ZNF100: variants seen among roughly 807,000 people sequenced by gnomAD.
ZNF100 encodes zinc finger protein 100 (Y1).
A neutral mutation model predicts 15.8 loss-of-function variants in ZNF100; 12 were observed. The ratio of observed to expected loss-of-function variants is 0.76; its 90% CI spans 0.49 to 1.23. The LOEUF (loss-of-function observed/expected upper bound fraction) is 1.23. ZNF100 is among the 50% of genes most tolerant of loss of function. The probability of loss-of-function intolerance (pLI) is 0.00; values close to 1 mark genes in which losing one functional copy is unlikely to be tolerated. For missense variants in ZNF100, 670 were observed against 635.6 expected (o/e 1.05, Z -0.58); for synonymous variants, 226 against 214.8 (o/e 1.05, Z -0.45).
rs1246638375 is a variant in ZNF100, at chr19:21,765,706, A to C, written c.84T>G (p.Ser28=). The C allele has an allele frequency of 6.2e-7, 1 of 1,614,166 alleles. No homozygotes were observed. Among genetic ancestry groups the C allele is most frequent in the Non-Finnish European group, 8.5e-7 (1 of 1,180,014 alleles). The change falls in exon 2 of 5, where the codon TCT becomes TCG. Residue 28 remains serine (S), a synonymous_variant. Transcript: ENST00000358296. Reference sequence around the variant, plus strand: ...CTCAAGGGGTTACCTTTTCAAAATAAGACTGCACCAGAAGACTCCTCTCAG... The same window carrying C: ...CTCAAGGGGTTACCTTTTCAAAATACGACTGCACCAGAAGACTCCTCTCAG... The part of the protein sequence containing the change: ...PGAERSLLVQ[S]YFEKGPLTFR...
chr19:21,757,755 G>T (rs912334006), intron 2 of ZNF100, among the ~76,000 whole-genome samples: 1 of 152,142 alleles, frequency 6.6e-6, no homozygotes, highest in Non-Finnish European at 1.5e-5. Context: ...ATATGGTATG[G>T]TCAGATGACA....
In ZNF100 at chr19:21,727,448, T is replaced by G. The variant is rs2035824566; in HGVS notation, c.864A>C (p.Pro288=). 6.2e-7 allele frequency: 1 copy of G among 1,610,592 alleles called. No homozygotes were observed. The highest frequency in any genetic ancestry group is 8.5e-7 in the Non-Finnish European group (1 of 1,178,850). ...THKIIHTGEK[P]YRCEECGKAF... ...CTTTCCCACATTCTTCACATCTGTA[T>G]GGTTTCTCTCCAGTATGAATTATCT... The change falls in exon 5 of 5, where the codon CCA becomes CCC. Residue 288 remains proline, a synonymous_variant. Transcript: ENST00000358296.
chr19:21,751,199 A>T, intron 2 of ZNF100: 17 of 1,308,402 alleles, frequency 1.3e-5, no homozygotes, highest in Non-Finnish European at 1.9e-5. Context: ...CTTACTAAAA[A>T]GTATAGCTCA....
intron 2 of ZNF100, among the ~76,000 whole-genome samples, chr19:21,749,731 A>C (rs2036271390): frequency 6.6e-6 from 1 of 152,220 alleles, no homozygotes; most frequent in Non-Finnish European, 1.5e-5. Flanking sequence ...TCTCTCACAT[A>C]ACTGTAGCAG....
chr19:21,760,610 C>T (rs2036467046), intron 2 of ZNF100, among the ~76,000 whole-genome samples: 1 of 151,930 alleles, frequency 6.6e-6, no homozygotes, highest in Admixed American at 6.6e-5. Context: ...TGCCCTAAGA[C>T]TTTGCCATCC....
At chr19:21,759,377 C>A (rs2036443227) in intron 2 of ZNF100, among the ~76,000 whole-genome samples, 1 of 152,138 alleles carries the variant, frequency 6.6e-6, no homozygotes, top group Non-Finnish European at 1.5e-5. Context: ...AATTTTTCAT[C>A]CTCTGTGTTC....
At chr19:21,749,572 G>C (rs2036268539) in intron 2 of ZNF100, among the ~76,000 whole-genome samples, 1 of 152,140 alleles carries the variant, frequency 6.6e-6, no homozygotes, top group South Asian at 2.1e-4. Flanking sequence ...GTAAGAAGAA[G>C]GACAAGAATA....
At chr19:21,740,145 C>A (rs1206333288) in intron 4 of ZNF100, among the ~76,000 whole-genome samples, 1 of 152,044 alleles carries the variant, frequency 6.6e-6, no homozygotes, top group Admixed American at 6.6e-5. Context: ...GATGAAAGAG[C>A]AGAATAGAGA....
chr19:21,767,499 A>G lies in ZNF100; in HGVS notation c.-70T>C. 1.2e-6 allele frequency: 2 copies of G among 1,609,284 alleles called. No homozygotes were observed. Among genetic ancestry groups the G allele is most frequent in the Non-Finnish European group, 1.7e-6 (2 of 1,176,252 alleles). On this transcript the variant is annotated 5_prime_UTR_variant, in exon 1 of 5. Coordinates refer to ENST00000358296, the MANE Select transcript of ZNF100 (RefSeq NM_173531.4). Reference sequence around the variant, plus strand: ...CAATATCTGCAGGTCAGAGGGCCACACAGGCTAGGCCCCTAGGAGCAGAAG... The same window carrying G: ...CAATATCTGCAGGTCAGAGGGCCACGCAGGCTAGGCCCCTAGGAGCAGAAG...
At position 21,754,743 on chromosome 19, in the gene ZNF100, C is replaced by CTTCA. The variant is rs768435359; in HGVS notation, c.97-9680_97-9677dup. ...ATTCAGGACAAAGGCATGGGAAAGACTTCATGACAAAAACACCAAAAGGAA... is the reference window on the plus strand; with the variant it reads ...ATTCAGGACAAAGGCATGGGAAAGACTTCATTCATGACAAAAACACCAAAAGGAA... On this transcript the variant is annotated intron_variant, in intron 2 of 4. Coordinates refer to ENST00000358296, the MANE Select transcript of ZNF100 (RefSeq NM_173531.4). 5.1e-4 allele frequency among the ~76,000 whole-genome samples: 77 copies of CTTCA among 152,240 alleles called. No individual in the cohort carries two copies. In the East Asian group the frequency reaches 7.3e-3, roughly 14 times the overall value.
intron 2 of ZNF100, among the ~76,000 whole-genome samples, chr19:21,747,090 G>A (rs2036225003): frequency 6.6e-6 from 1 of 152,044 alleles, no homozygotes; most frequent in African/African-American, 2.4e-5. Flanking sequence ...TCCTGTCTCA[G>A]GTGCCCTCCC....
rs755689326 is a variant in ZNF100 at position 21,726,813 on chromosome 19, A to AG, written c.1498dup (p.Leu500ProfsTer3). Reference sequence around the variant, plus strand: ...AGTATGAGTTATCTTATGTTTAGTAAGGGTTGAGGATCGGTTAAAAGCTTT... The same window carrying AG: ...AGTATGAGTTATCTTATGTTTAGTAAGGGGTTGAGGATCGGTTAAAAGCTTT... On this transcript the variant is annotated frameshift_variant, in exon 5 of 5. Transcript: ENST00000358296. LOFTEE classifies it low-confidence loss of function (END_TRUNC). The AG allele has an allele frequency of 8.7e-6, 14 of 1,613,682 alleles. No individual in the cohort carries two copies. The African/African-American group carries it at 1.9e-4, about 22-fold the overall frequency.
intron 2 of ZNF100, among the ~76,000 whole-genome samples, chr19:21,749,002 G>A (rs79508512): frequency 1.1e-4 from 16 of 152,116 alleles, no homozygotes; most frequent in African/African-American, 3.6e-4. Flanking sequence ...CACTGCTCCC[G>A]ACTGAAGAGG....
rs1454750760 is a variant in ZNF100, at chr19:21,723,939, T to A, written c.*2744A>T. On this transcript the variant is annotated 3_prime_UTR_variant, in exon 5 of 5. Coordinates refer to ENST00000358296, the MANE Select transcript of ZNF100 (RefSeq NM_173531.4). ...AATGAAGTGTTCTAACTAAATAAAA[T>A]GTAACTTAATACACTAATTGTGGAA... 1 of 152,202 alleles carries A rather than the reference T, an allele frequency of 6.6e-6. No individual in the cohort carries two copies. The highest frequency in any genetic ancestry group is 1.9e-4 in the East Asian group (1 of 5,200). The allele number at this position is 152,202 out of a possible 1,614,324, so 9.4% of individuals were successfully genotyped here.
intron 2 of ZNF100, among the ~76,000 whole-genome samples, chr19:21,759,061 C>A (rs1015781092): frequency 2.0e-5 from 3 of 152,142 alleles, no homozygotes; most frequent in African/African-American, 7.2e-5. Flanking sequence ...GCAGAGTCAG[C>A]AAAGACCCTG....
rs149172447 is a variant in ZNF100 at position 21,756,419 on chromosome 19, A to G, written c.96+9275T>C. ...CTGCAAAGTTTCAGGATACTAAATC[A>G]GTAGCATCTCTGTACATCAACAACA... On this transcript the variant is annotated intron_variant, in intron 2 of 4. Transcript: ENST00000358296. Among the ~76,000 whole-genome samples, 691 of 152,296 alleles carry G rather than the reference A, an allele frequency of 4.5e-3. 3 individuals are homozygous for G. Among genetic ancestry groups the G allele is most frequent in the African/African-American group, 0.014 (585 of 41,570 alleles).
At position 21,767,535 on chromosome 19, in the gene ZNF100, G is replaced by T. The variant is rs10412066; in HGVS notation, c.-106C>A. 294 of 1,527,364 alleles carry T rather than the reference G, an allele frequency of 1.9e-4. No individual in the cohort carries two copies. Among genetic ancestry groups the T allele is most frequent in the Non-Finnish European group, 2.5e-4 (284 of 1,125,554 alleles). 94.6% of individuals were successfully genotyped at this position (1,527,364 alleles called of 1,614,324 possible). ...CCCTAGGAGCAGAAGACACAGAGAA[G>T]TGAGAGCAAAACCTGGAGCTCCGGC... On this transcript the variant is annotated 5_prime_UTR_variant, in exon 1 of 5. Transcript: ENST00000358296.
chr19:21,745,181 G>T (rs1346011891), intron 2 of ZNF100, 114 bp from the exon 3 acceptor site: 11 of 1,446,540 alleles, frequency 7.6e-6, no homozygotes, highest in Non-Finnish European at 9.2e-6. Flanking sequence ...CTGATTAATA[G>T]AAATGACAAA....
At position 21,764,166 on chromosome 19, in the gene ZNF100, A is replaced by G. The variant is rs142266986; in HGVS notation, c.96+1528T>C. Among the ~76,000 whole-genome samples the G allele has an allele frequency of 1.7e-4, 26 of 152,266 alleles. No homozygotes were observed. In the East Asian group the frequency reaches 4.6e-3, roughly 27 times the overall value. Reference sequence around the variant, plus strand: ...GAAAAAACTAACAAGGCCGTTATTAAATTTCTTCTGCAGGCTCAATATTAG... The same window carrying G: ...GAAAAAACTAACAAGGCCGTTATTAGATTTCTTCTGCAGGCTCAATATTAG... On this transcript the variant is annotated intron_variant, in intron 2 of 4. Coordinates refer to ENST00000358296, the MANE Select transcript of ZNF100 (RefSeq NM_173531.4).
Sources: gnomAD v4.1 joint callset for allele counts (sites outside exome capture counted in the v4.1 genomes callset) on GRCh38, gnomAD v4.1.1 for gene constraint, MANE v1.5 for transcripts, NCBI Gene and HGNC (gene_info 2026-07-23, HGNC 2026-07-21) for gene names.